The following PTPN3 variants were observed in gnomAD, a reference collection of about 807,000 sequenced individuals.
PTPN3 encodes the protein protein tyrosine phosphatase non-receptor type 3.
A neutral mutation model predicts 132.7 loss-of-function variants in PTPN3; 96 were observed. The ratio of observed to expected loss-of-function variants is 0.72; its 90% CI spans 0.61 to 0.86. PTPN3 has a LOEUF of 0.86. PTPN3 is among the 40% of genes least tolerant of loss of function. PTPN3 has a pLI of 0.00. For synonymous variants in PTPN3, 398 were observed against 429.0 expected (o/e 0.93, Z 0.89); for missense variants, 1,125 against 1,159.6 (o/e 0.97, Z 0.43).
At chr9:109,490,125 G>A (rs984051511) in intron 1 of PTPN3, among the ~76,000 whole-genome samples, 1 of 152,070 alleles carries the variant, frequency 6.6e-6, no homozygotes, top group African/African-American at 2.4e-5. Flanking sequence ...AGAGGTTGCA[G>A]TGAGCCGAGA....
At chr9:109,449,184 G>A (rs972693425) in intron 5 of PTPN3, 18 of 1,106,934 alleles carry the variant, frequency 1.6e-5, no homozygotes, top group Middle Eastern at 4.0e-4. Flanking sequence ...GTCAGTGAGC[G>A]CCCCTGCCCT....
chr9:109,423,733 A>T (rs1843043142), intron 12 of PTPN3, among the ~76,000 whole-genome samples: 4 of 152,176 alleles, frequency 2.6e-5, no homozygotes, highest in Admixed American at 2.0e-4. Flanking sequence ...TCAGAGAATG[A>T]ATTATTTGAG....
chr9:109,523,592 T>C, the PTPN3 span, among the ~76,000 whole-genome samples: 3 of 152,288 alleles, frequency 2.0e-5, no homozygotes, highest in African/African-American at 7.2e-5. Context: ...TGTCTTCAAC[T>C]GGGCTCTGCA....
intron 7 of PTPN3, among the ~76,000 whole-genome samples, chr9:109,440,196 G>C (rs920531115): frequency 2.0e-5 from 3 of 152,216 alleles, no homozygotes; most frequent in Non-Finnish European, 4.4e-5. Flanking sequence ...AAAGGGCAGA[G>C]AGCCAAGTGA....
At chr9:109,431,001 G>A (rs151116447) in intron 10 of PTPN3, among the ~76,000 whole-genome samples, 1 of 152,344 alleles carries the variant, frequency 6.6e-6, no homozygotes, top group Non-Finnish European at 1.5e-5. Context: ...CCCTTCTTAT[G>A]TCCTGCCCCT....
chr9:109,458,532 A>T (rs1181670146), intron 2 of PTPN3, among the ~76,000 whole-genome samples: 1 of 152,212 alleles, frequency 6.6e-6, no homozygotes, highest in Non-Finnish European at 1.5e-5. Flanking sequence ...GTACTTGAAA[A>T]TAGGTCACAG....
chr9:109,516,997 A>G, the PTPN3 span, among the ~76,000 whole-genome samples: 12 of 152,276 alleles, frequency 7.9e-5, no homozygotes, highest in South Asian at 1.2e-3. Flanking sequence ...CTCCAAGCAT[A>G]TATTCCGTAG....
chr9:109,488,196 G>T (rs1338360177), intron 1 of PTPN3, among the ~76,000 whole-genome samples: 1 of 149,892 alleles, frequency 6.7e-6, no homozygotes, highest in Non-Finnish European at 1.5e-5. Flanking sequence ...CCACACCCCA[G>T]GTTCAAGTGA....
At chr9:109,431,839 C>T (rs1843682731) in intron 10 of PTPN3, among the ~76,000 whole-genome samples, 1 of 152,102 alleles carries the variant, frequency 6.6e-6, no homozygotes, top group African/African-American at 2.4e-5. Context: ...CAGGTTCTTA[C>T]TTAACTTCTT....
chr9:109,396,404 G>A (rs1299439221), intron 19 of PTPN3, among the ~76,000 whole-genome samples: 3 of 151,834 alleles, frequency 2.0e-5, no homozygotes, highest in African/African-American at 7.3e-5. Flanking sequence ...CCAATTCATC[G>A]GAAAAACAAC....
chr9:109,504,519 G>C, the PTPN3 span, among the ~76,000 whole-genome samples: 1 of 152,158 alleles, frequency 6.6e-6, no homozygotes, highest in Non-Finnish European at 1.5e-5. Flanking sequence ...AGACAGTCCA[G>C]ATTATGCATA....
At chr9:109,469,470 T>A (rs1181032095) in intron 1 of PTPN3, among the ~76,000 whole-genome samples, 1 of 151,942 alleles carries the variant, frequency 6.6e-6, no homozygotes, top group African/African-American at 2.4e-5. Context: ...AATACAAAAA[T>A]TAGCTGGGTG....
intron 7 of PTPN3, among the ~76,000 whole-genome samples, chr9:109,440,681 C>T (rs1375258675): frequency 2.6e-5 from 4 of 152,222 alleles, no homozygotes; most frequent in Non-Finnish European, 5.9e-5. Flanking sequence ...GTTTCATTAG[C>T]TCATGGAGAT....
chr9:109,451,901 G>C (rs373070795), intron 5 of PTPN3, among the ~76,000 whole-genome samples: 2 of 152,164 alleles, frequency 1.3e-5, no homozygotes, highest in Non-Finnish European at 2.9e-5. Context: ...AGGCAGTGCC[G>C]TCCAGACTTG....
At chr9:109,530,342 C>T in the PTPN3 span, among the ~76,000 whole-genome samples, 2 of 152,286 alleles carry the variant, frequency 1.3e-5, no homozygotes, top group African/African-American at 4.8e-5. Context: ...TTTGTGATTG[C>T]CTTATTTAAC....
At chr9:109,471,184 G>A (rs1250234944) in intron 1 of PTPN3, among the ~76,000 whole-genome samples, 2 of 151,938 alleles carry the variant, frequency 1.3e-5, no homozygotes, top group African/African-American at 2.4e-5. Context: ...AGCCTCCCGA[G>A]TAGCTGGGGC....
At chr9:109,432,063 G>A (rs997752588) in intron 10 of PTPN3, among the ~76,000 whole-genome samples, 9 of 148,034 alleles carry the variant, frequency 6.1e-5, no homozygotes, top group African/African-American at 2.2e-4. Flanking sequence ...ATAATATAGG[G>A]TATATTATAT....
intron 9 of PTPN3, 35 bp from the exon 10 acceptor site, chr9:109,433,196 TAC>T: frequency 6.2e-7 from 1 of 1,612,620 alleles, no homozygotes; most frequent in Non-Finnish European, 8.5e-7. Context: ...CACAGCATGT[TAC>T]AGTCATGCTT....
chr9:109,434,202 G>T lies in PTPN3; in HGVS notation c.676-1041C>A, dbSNP rs544344596. The stretch of plus-strand genomic sequence containing the variant: ...TTTGATGCCCAGGCTGGAGTGCAGT[G>T]GTGCACACGTGGCTCACTGCAGCCT... On this transcript the variant is annotated intron_variant, in intron 9 of 25. Transcript: ENST00000374541. Among the ~76,000 whole-genome samples the T allele has an allele frequency of 3.4e-4, 52 of 152,356 alleles. 1 individual carries two copies. The highest frequency in any genetic ancestry group is 1.2e-3 in the African/African-American group (50 of 41,588).
Sources: allele counts gnomAD v4.1 joint callset (sites outside exome capture counted in the v4.1 genomes callset), GRCh38; gene constraint gnomAD v4.1.1; transcripts MANE v1.5; gene names NCBI Gene and HGNC (gene_info 2026-07-23, HGNC 2026-07-21).